PCDHA4: variants seen among roughly 807,000 people sequenced by gnomAD.
The protein encoded by PCDHA4 is protocadherin alpha-4.
PCDHA4 carries 49 observed loss-of-function variants against 61.4 expected under a neutral mutation model. The observed-to-expected ratio is 0.80, with a 90% confidence interval of 0.63 to 1.01. The LOEUF is 1.01. PCDHA4 is among the 50% of genes least tolerant of loss of function. The pLI, the probability that PCDHA4 is intolerant of heterozygous loss-of-function variation, is 0.00. For missense variants in PCDHA4, 1,254 were observed against 1,235.8 expected (o/e 1.01, Z -0.22); for synonymous variants, 590 against 550.3 (o/e 1.07, Z -1.01).
chr5:140,828,608 A>G, intron 1 of PCDHA4: 7 of 1,614,220 alleles, frequency 4.3e-6, no homozygotes, highest in Non-Finnish European at 5.9e-6. Flanking sequence ...CTATAAACTC[A>G]GTTCTAGCGA....
chr5:140,973,754 G>A (rs2096600951), intron 1 of PCDHA4, among the ~76,000 whole-genome samples: 1 of 152,198 alleles, frequency 6.6e-6, no homozygotes, highest in South Asian at 2.1e-4. Flanking sequence ...CACTCTGCAG[G>A]GACACAGCCT....
Position 140,875,764 on chromosome 5 carries a change from C to T in PCDHA4, c.2385+66192C>T, listed in dbSNP as rs782377276. On this transcript the variant is annotated intron_variant, in intron 1 of 3. Coordinates refer to ENST00000530339, the MANE Select transcript of PCDHA4 (RefSeq NM_018907.4). ...GATCGACCGCGAGAAGCTGTGCGGGCGGAGCGCGGAGTGCAGTATCCACCT... is the reference window on the plus strand; with the variant it reads ...GATCGACCGCGAGAAGCTGTGCGGGTGGAGCGCGGAGTGCAGTATCCACCT... 27 of 1,614,078 alleles carry T rather than the reference C, an allele frequency of 1.7e-5. No homozygotes were observed. In the South Asian group the frequency reaches 2.1e-4, roughly 12 times the overall value.
chr5:140,871,269 G>T, intron 1 of PCDHA4: 3 of 1,613,952 alleles, frequency 1.9e-6, no homozygotes, highest in Non-Finnish European at 2.5e-6. Context: ...CGCTGTGGTG[G>T]TCGGCAACGC....
intron 1 of PCDHA4, chr5:140,848,602 C>A (rs140949600): frequency 8.2e-6 from 13 of 1,593,476 alleles, no homozygotes; most frequent in Non-Finnish European, 1.1e-5. Flanking sequence ...TACTCCGTCC[C>A]GGAGGAAGCC....
At chr5:140,957,043 A>C (rs2095328677) in intron 1 of PCDHA4, among the ~76,000 whole-genome samples, 3 of 152,196 alleles carry the variant, frequency 2.0e-5, no homozygotes, top group Admixed American at 2.0e-4. Flanking sequence ...GGAGTCATAT[A>C]AAATAAATTA....
At chr5:140,876,970 G>A in intron 1 of PCDHA4, 4 of 1,612,850 alleles carry the variant, frequency 2.5e-6, no homozygotes, top group Non-Finnish European at 3.4e-6. Flanking sequence ...GCGGCGGGTG[G>A]GCGAGCACGC....
At chr5:140,939,960 T>G (rs1216904868) in intron 1 of PCDHA4, among the ~76,000 whole-genome samples, 2 of 152,258 alleles carry the variant, frequency 1.3e-5, no homozygotes, top group African/African-American at 2.4e-5. Context: ...TATGTTAAAG[T>G]GTTCCACGAT....
chr5:140,926,702 G>C (rs2083474783), intron 1 of PCDHA4: 1 of 832,476 alleles, frequency 1.2e-6, no homozygotes, highest in South Asian at 2.8e-5. Context: ...CCGGCTCCCA[G>C]CTGGCCAGCC....
chr5:140,940,635 TC>T (rs2092658903), intron 1 of PCDHA4, among the ~76,000 whole-genome samples: 1 of 152,214 alleles, frequency 6.6e-6, no homozygotes, highest in African/African-American at 2.4e-5. Context: ...CTTAAGCTTG[TC>T]ATTTATTTAT....
chr5:140,898,579 T>A (rs1471026172), intron 1 of PCDHA4, among the ~76,000 whole-genome samples: 1 of 152,222 alleles, frequency 6.6e-6, no homozygotes, highest in African/African-American at 2.4e-5. Flanking sequence ...GCCATGCTGT[T>A]TTGGTTACTG....
chr5:140,841,754 T>C (rs1777466378), intron 1 of PCDHA4: 2 of 1,613,818 alleles, frequency 1.2e-6, no homozygotes, highest in South Asian at 2.2e-5. Context: ...TGTTTCAGAA[T>C]CCAGAATGCC....
At chr5:140,816,507 T>TTTTG (rs1554127077) in intron 1 of PCDHA4, 1 of 149,440 alleles carries the variant, frequency 6.7e-6, no homozygotes, top group Non-Finnish European at 1.5e-5. Flanking sequence ...GGAGGTGTGT[T>TTTTG]TGTGTGTGTG....
intron 1 of PCDHA4, chr5:140,814,827 C>A (rs2126659222): frequency 6.6e-6 from 1 of 152,166 alleles, no homozygotes; most frequent in Non-Finnish European, 1.5e-5. Context: ...CTATCTATTT[C>A]TCCATTTCTG....
intron 1 of PCDHA4, among the ~76,000 whole-genome samples, chr5:140,897,369 T>C (rs183566624): frequency 0.013 from 1,702 of 128,706 alleles, 36 homozygotes; most frequent in African/African-American, 0.049. Flanking sequence ...GAGTGTGATG[T>C]TCCCTTCCCC....
intron 1 of PCDHA4, among the ~76,000 whole-genome samples, chr5:140,966,026 G>C (rs1586101729): frequency 6.6e-6 from 1 of 152,290 alleles, no homozygotes; most frequent in Non-Finnish European, 1.5e-5. Context: ...TGGGAGTCAG[G>C]TGAATAGTTC....
Position 141,010,415 on chromosome 5 carries a change from C to T in PCDHA4, c.*478C>T. ...ACGAGCCAGCTTAGACTAATTGGTA[C>T]AAGGAAGGCAAGAAAACAAAGACAA... On this transcript the variant is annotated 3_prime_UTR_variant, in exon 4 of 4. Transcript: ENST00000530339. 1 of 1,160,734 alleles carries T rather than the reference C, an allele frequency of 8.6e-7. No homozygotes were observed. 71.9% of individuals were successfully genotyped at this position (1,160,734 alleles called of 1,614,324 possible).
intron 1 of PCDHA4, chr5:140,876,238 C>G (rs782170059): frequency 2.5e-6 from 4 of 1,613,896 alleles, no homozygotes; most frequent in Non-Finnish European, 3.4e-6. Context: ...TGAAAATGTC[C>G]AAAACGACAC....
chr5:140,907,789 G>A (rs187759241), intron 1 of PCDHA4, among the ~76,000 whole-genome samples: 1 of 152,330 alleles, frequency 6.6e-6, no homozygotes, highest in Non-Finnish European at 1.5e-5. Flanking sequence ...GCTGGGGAAA[G>A]AGGCTAAGTG....
rs920860677 is a variant in PCDHA4, at chr5:140,985,387, C to T, written c.2533+2824C>T. Among the ~76,000 whole-genome samples the T allele has an allele frequency of 3.0e-4, 45 of 152,272 alleles. 1 individual carries two copies. Among genetic ancestry groups the T allele is most frequent in the African/African-American group, 9.9e-4 (41 of 41,542 alleles). On this transcript the variant is annotated intron_variant, in intron 3 of 3. Transcript: ENST00000530339. ...GTTATCTGGGTCTATATAATCCAGTCACCCCAACTGTTCCCCTGGAAATGG... is the reference window on the plus strand; with the variant it reads ...GTTATCTGGGTCTATATAATCCAGTTACCCCAACTGTTCCCCTGGAAATGG...
Sources: allele counts gnomAD v4.1 joint callset (sites outside exome capture counted in the v4.1 genomes callset), GRCh38; gene constraint gnomAD v4.1.1; transcripts MANE v1.5; gene names NCBI Gene and HGNC (gene_info 2026-07-23, HGNC 2026-07-21).